SBF2: variants seen among roughly 807,000 people sequenced by gnomAD.
The protein encoded by SBF2 is SET binding factor 2.
Under a neutral mutation model 225.2 loss-of-function variants are expected in SBF2, and 112 were observed. The ratio of observed to expected loss-of-function variants is 0.50; its 90% CI spans 0.43 to 0.58. The LOEUF (loss-of-function observed/expected upper bound fraction) is 0.58, where lower values mean the gene tolerates loss of function less well. SBF2 is among the 20% of genes least tolerant of loss of function. The probability of loss-of-function intolerance (pLI) is 0.00; values close to 1 mark genes in which losing one functional copy is unlikely to be tolerated. For synonymous variants in SBF2, 763 were observed against 773.3 expected (o/e 0.99, Z 0.22); for missense variants, 1,996 against 2,206.2 (o/e 0.90, Z 1.91).
intron 9 of SBF2, among the ~76,000 whole-genome samples, chr11:9,995,603 G>C (rs1194394133): frequency 1.3e-5 from 2 of 150,542 alleles, no homozygotes; most frequent in Non-Finnish European, 3.0e-5. Context: ...GTCTCTTTTT[G>C]GTCTAGTTTG....
intron 1 of SBF2, among the ~76,000 whole-genome samples, chr11:10,270,045 C>T (rs1179593463): frequency 1.3e-5 from 2 of 152,096 alleles, no homozygotes; most frequent in Non-Finnish European, 1.5e-5. Flanking sequence ...CTATTTATAA[C>T]AGCAAAAATT....
intron 2 of SBF2, among the ~76,000 whole-genome samples, chr11:10,174,402 A>T (rs1217228119): frequency 6.6e-6 from 1 of 152,240 alleles, no homozygotes; most frequent in African/African-American, 2.4e-5. Flanking sequence ...ACTGGAAGAA[A>T]GGGTATCAGC....
rs118001656 is a variant in SBF2 at position 9,975,805 on chromosome 11, C to G, written c.1396-7260G>C. ...TAAAGGTAATCACAATATTTTACTT[C>G]CTTCCTATAATTAAAAAATTCCTTT... On this transcript the variant is annotated intron_variant, in intron 13 of 39. Transcript: ENST00000256190. 2.5e-3 allele frequency among the ~76,000 whole-genome samples: 386 copies of G among 152,106 alleles called. 1 individual carries two copies. The highest frequency in any genetic ancestry group is 4.2e-3 in the Non-Finnish European group (283 of 68,000).
chr11:10,045,711 T>C (rs1264081320), intron 2 of SBF2, among the ~76,000 whole-genome samples: 1 of 152,202 alleles, frequency 6.6e-6, no homozygotes, highest in Non-Finnish European at 1.5e-5. Flanking sequence ...GCTTTGACAA[T>C]GTAGAGAAAT....
At chr11:9,878,337 G>C (rs775207127) in intron 17 of SBF2, among the ~76,000 whole-genome samples, 1 of 152,060 alleles carries the variant, frequency 6.6e-6, no homozygotes. Flanking sequence ...CTCCCATTCC[G>C]TAGGTTGCCT....
rs573689476 is a variant in SBF2, at chr11:10,248,711, C to T, written c.55+45304G>A. On this transcript the variant is annotated intron_variant, in intron 1 of 39. Transcript: ENST00000256190. ...AGTCATGGGAATGTGAATTTTTTGC[C>T]TAACTTTAGTTAAAGGATTGTTTTA... Among the ~76,000 whole-genome samples the T allele has an allele frequency of 4.0e-4, 61 of 152,268 alleles. 1 individual carries two copies. In the Middle Eastern group the frequency reaches 0.01, roughly 25 times the overall value.
chr11:9,918,895 C>G (rs7937240), intron 16 of SBF2, among the ~76,000 whole-genome samples: 1 of 151,764 alleles, frequency 6.6e-6, no homozygotes, highest in Admixed American at 6.6e-5. Flanking sequence ...CCTGCCACCA[C>G]GCCCGGCTAA....
intron 1 of SBF2, among the ~76,000 whole-genome samples, chr11:10,241,791 G>C (rs1959231647): frequency 6.6e-6 from 1 of 151,980 alleles, no homozygotes; most frequent in South Asian, 2.1e-4. Context: ...TTTCTCCATG[G>C]AAACACAAAA....
chr11:9,975,402 T>A (rs1250681250), intron 13 of SBF2, among the ~76,000 whole-genome samples: 1 of 152,172 alleles, frequency 6.6e-6, no homozygotes, highest in Non-Finnish European at 1.5e-5. Context: ...AAAAACTACA[T>A]AATGCCATTA....
At chr11:10,036,934 A>G (rs1411468530) in intron 3 of SBF2, among the ~76,000 whole-genome samples, 1 of 152,226 alleles carries the variant, frequency 6.6e-6, no homozygotes, top group Non-Finnish European at 1.5e-5. Context: ...AGCCTGAAAT[A>G]GTTGTCAAAA....
chr11:10,062,378 G>T (rs1383045328), intron 2 of SBF2, among the ~76,000 whole-genome samples: 1 of 152,060 alleles, frequency 6.6e-6, no homozygotes, highest in Non-Finnish European at 1.5e-5. Context: ...CACAGCAAAA[G>T]AAACTATCAA....
At chr11:9,953,933 A>C (rs1866004117) in intron 16 of SBF2, among the ~76,000 whole-genome samples, 1 of 152,138 alleles carries the variant, frequency 6.6e-6, no homozygotes, top group South Asian at 2.1e-4. Flanking sequence ...TTATTTTTAA[A>C]AGATCTTAGC....
intron 1 of SBF2, among the ~76,000 whole-genome samples, chr11:10,236,137 GA>G (rs1247437394): frequency 6.6e-6 from 1 of 151,946 alleles, no homozygotes; most frequent in Non-Finnish European, 1.5e-5. Flanking sequence ...AAATAAAAAC[GA>G]ACAAAGAATA....
At position 9,781,592 on chromosome 11, in the gene SBF2, A is replaced by G. The variant is rs111872774; in HGVS notation, c.5366T>C (p.Ile1789Thr). 3.1e-6 allele frequency: 5 copies of G among 1,614,232 alleles called. No individual in the cohort carries two copies. Among genetic ancestry groups the G allele is most frequent in the Non-Finnish European group, 4.2e-6 (5 of 1,180,046 alleles). The change falls in exon 39 of 40, where the codon ATT becomes ACT. Residue 1789 changes from isoleucine (I) to threonine (T), a missense_variant. Transcript: ENST00000256190. ...GACCATTTCTACTTCAGCCAGATCA[A>G]TGTGGCCTTTACAGCTTGTGTCCTC... ...SGEDTSCKGH[I>T]DLAEVEMVIP...
chr11:10,300,811 CT>C (rs570381146), intron 1 of SBF2, among the ~76,000 whole-genome samples: 325 of 138,054 alleles, frequency 2.4e-3, no homozygotes, highest in African/African-American at 4.3e-3. Context: ...CTCTCTCTCT[CT>C]TTTTTTTTTT....
At chr11:9,787,559 G>T in intron 36 of SBF2, 75 bp downstream of exon 36, 1 of 1,272,296 alleles carries the variant, frequency 7.9e-7, no homozygotes, top group Non-Finnish European at 1.1e-6. Flanking sequence ...CTTGTCACCT[G>T]TGGCAGCAGG....
chr11:10,048,438 T>C (rs187228677), intron 2 of SBF2, among the ~76,000 whole-genome samples: 1 of 152,372 alleles, frequency 6.6e-6, no homozygotes, highest in African/African-American at 2.4e-5. Context: ...ATACTAGTAA[T>C]TGCTGTATTC....
At chr11:9,938,076 G>C (rs944371997) in intron 16 of SBF2, among the ~76,000 whole-genome samples, 1 of 151,910 alleles carries the variant, frequency 6.6e-6, no homozygotes. Flanking sequence ...CGGATCACGC[G>C]GTCAGGAGAT....
At chr11:10,095,961 A>G (rs1952001773) in intron 2 of SBF2, among the ~76,000 whole-genome samples, 1 of 152,214 alleles carries the variant, frequency 6.6e-6, no homozygotes, top group Admixed American at 6.5e-5. Context: ...TCAACCTGCC[A>G]TTGCTTAGTT....
Sources: gnomAD v4.1 joint callset for allele counts (sites outside exome capture counted in the v4.1 genomes callset) on GRCh38, gnomAD v4.1.1 for gene constraint, MANE v1.5 for transcripts, NCBI Gene and HGNC (gene_info 2026-07-23, HGNC 2026-07-21) for gene names.